XRCC6: variants seen among roughly 807,000 people sequenced by gnomAD.
XRCC6 encodes DNA repair protein Ku70.
A neutral mutation model predicts 65.7 loss-of-function variants in XRCC6; 5 were observed. The observed-to-expected ratio is 0.08, with a 90% CI of 0.04 to 0.16. XRCC6 has a LOEUF of 0.16. Ranked by LOEUF, XRCC6 falls within the 10% of genes least tolerant of loss-of-function variation. The pLI is 1.00. For missense variants in XRCC6, 447 were observed against 738.1 expected (o/e 0.61, Z 4.57); for synonymous variants, 270 against 270.6 (o/e 1.00, Z 0.02).
intron 3 of XRCC6, among the ~76,000 whole-genome samples, chr22:41,632,115 G>T (rs1196536931): frequency 2.6e-5 from 4 of 151,848 alleles, no homozygotes; most frequent in African/African-American, 9.7e-5. Flanking sequence ...GAGGGAGACC[G>T]TGGAAAGAGA....
In XRCC6 at chr22:41,647,039, G is replaced by T. The variant is rs1220532835; in HGVS notation, c.917G>T (p.Ser306Ile). 1 of 1,614,148 alleles carries T rather than the reference G, an allele frequency of 6.2e-7. No homozygotes were observed. ...ACCAAGACCCGGACCTTTAATACAAGTACAGGCGGTTTGCTTCTGCCTAGC... is the reference window on the plus strand; with the variant it reads ...ACCAAGACCCGGACCTTTAATACAATTACAGGCGGTTTGCTTCTGCCTAGC... ...VKTKTRTFNT[S>I]TGGLLLPSDT... Residue 306 changes from serine (S) to isoleucine (I), a missense_variant, in exon 7 of 13, where the codon AGT becomes ATT. This residue lies in a region of XRCC6 where 201 missense variants were observed against 374.1 expected (regional missense o/e 0.54). Transcript: ENST00000360079.
intron 3 of XRCC6, among the ~76,000 whole-genome samples, chr22:41,634,620 C>T (rs937808133): frequency 2.0e-5 from 3 of 151,584 alleles, no homozygotes; most frequent in African/African-American, 4.9e-5. Flanking sequence ...TCTCAGCCCA[C>T]TGCAACCTCC....
intron 6 of XRCC6, among the ~76,000 whole-genome samples, chr22:41,644,458 A>G (rs1368821412): frequency 6.6e-6 from 1 of 152,144 alleles, no homozygotes; most frequent in Admixed American, 6.6e-5. Context: ...TATTGTAAAT[A>G]TATGTGTACA....
intron 1 of XRCC6, 158 bp downstream of exon 1, chr22:41,621,503 C>G (rs1018462196): frequency 1.2e-5 from 2 of 167,430 alleles, no homozygotes; most frequent in East Asian, 1.8e-4. Context: ...CGAGACCACG[C>G]TCCTTCCTCG....
intron 6 of XRCC6, among the ~76,000 whole-genome samples, chr22:41,638,662 G>A (rs913247012): frequency 2.7e-5 from 4 of 150,818 alleles, no homozygotes; most frequent in African/African-American, 9.8e-5. Context: ...GCGCGCGCCT[G>A]TAGTCCCAGC....
chr22:41,655,098 C>G (rs913017209), intron 9 of XRCC6, among the ~76,000 whole-genome samples: 5 of 152,120 alleles, frequency 3.3e-5, no homozygotes, highest in Admixed American at 2.6e-4. Flanking sequence ...ATCAGTATTG[C>G]GGTGCTTGTG....
intron 3 of XRCC6, among the ~76,000 whole-genome samples, chr22:41,632,766 T>C (rs1256762538): frequency 6.7e-6 from 1 of 150,004 alleles, no homozygotes; most frequent in Non-Finnish European, 1.5e-5. Flanking sequence ...GAGGCTGCAC[T>C]GAGCTATGAT....
intron 2 of XRCC6, among the ~76,000 whole-genome samples, chr22:41,627,680 C>T (rs1273416917): frequency 1.3e-5 from 2 of 151,652 alleles, no homozygotes; most frequent in Admixed American, 1.3e-4. Context: ...TTAGATCAGC[C>T]TGGGCAGTGT....
At chr22:41,651,628 A>T (rs936178529) in intron 8 of XRCC6, among the ~76,000 whole-genome samples, 1 of 150,972 alleles carries the variant, frequency 6.6e-6, no homozygotes, top group Non-Finnish European at 1.5e-5. Flanking sequence ...CCCTGGTTCA[A>T]ACGATTCTCC....
chr22:41,637,815 T>C, intron 6 of XRCC6, 24 bp downstream of exon 6: 1 of 1,607,304 alleles, frequency 6.2e-7, no homozygotes, highest in East Asian at 2.2e-5. Context: ...CCGGGTCAGC[T>C]GCCTACACTG....
chr22:41,649,160 A>ATATATATATATGTATG (rs1376197191), intron 7 of XRCC6, among the ~76,000 whole-genome samples: 68 of 125,820 alleles, frequency 5.4e-4, no homozygotes, highest in African/African-American at 2.3e-3. Flanking sequence ...ATATATATAT[A>ATATATATATATGTATG]TATGTATGTA....
Position 41,656,851 on chromosome 22 carries a change from G to A in XRCC6, c.1292-52G>A. ...GGAAGAATTTGGAGCTGAGAAACAA[G>A]TGACTGCAACACTTGAAGTCAAATC... is the stretch of plus-strand genomic sequence containing the variant. On this transcript the variant is annotated intron_variant, in intron 9 of 12. Coordinates refer to ENST00000360079, the MANE Select transcript of XRCC6 (RefSeq NM_001469.5). The A allele has an allele frequency of 1.9e-6, 3 of 1,609,186 alleles. No individual in the cohort carries two copies. The South Asian group carries it at 3.3e-5, about 18-fold the overall frequency.
intron 9 of XRCC6, among the ~76,000 whole-genome samples, chr22:41,654,708 G>A (rs999229414): frequency 6.6e-6 from 1 of 152,154 alleles, no homozygotes. Context: ...AAGGGGCGAG[G>A]GTGAAGCTCA....
intron 12 of XRCC6, among the ~76,000 whole-genome samples, 197 bp from the exon 13 acceptor site, chr22:41,663,425 G>GGT (rs1246263174): frequency 3.9e-5 from 6 of 152,138 alleles, no homozygotes; most frequent in Admixed American, 2.6e-4. Context: ...TTTCCTCCTA[G>GGT]GTGTGATCTG....
At chr22:41,655,727 C>T (rs979930606) in intron 9 of XRCC6, among the ~76,000 whole-genome samples, 3 of 151,386 alleles carry the variant, frequency 2.0e-5, no homozygotes, top group Non-Finnish European at 4.4e-5. Context: ...TTTTTCCCCC[C>T]CTTCTTTTTT....
intron 3 of XRCC6, among the ~76,000 whole-genome samples, chr22:41,630,061 A>G (rs2067723284): frequency 6.9e-6 from 1 of 145,376 alleles, no homozygotes; most frequent in Non-Finnish European, 1.5e-5. Context: ...TTGGCTCACT[A>G]CAACCTCTGA....
At chr22:41,643,358 G>A (rs537174477) in intron 6 of XRCC6, among the ~76,000 whole-genome samples, 1 of 151,322 alleles carries the variant, frequency 6.6e-6, no homozygotes, top group Admixed American at 6.6e-5. Flanking sequence ...GCAGTGAGCC[G>A]AGATCACACC....
intron 6 of XRCC6, among the ~76,000 whole-genome samples, chr22:41,641,054 A>G (rs867234402): frequency 2.6e-5 from 4 of 152,290 alleles, no homozygotes; most frequent in Middle Eastern, 3.4e-3. Context: ...CAGCCTGGGC[A>G]ACCCAGGGAG....
chr22:41,654,204 G>A (rs758455456), intron 9 of XRCC6, among the ~76,000 whole-genome samples: 24 of 152,138 alleles, frequency 1.6e-4, no homozygotes, highest in Non-Finnish European at 2.2e-4. Flanking sequence ...GCTGGTCAAC[G>A]TGGGCAAGTA....
Sources: allele counts gnomAD v4.1 joint callset (sites outside exome capture counted in the v4.1 genomes callset), GRCh38; gene constraint gnomAD v4.1.1; regional missense constraint gnomAD v4.1.1; transcripts MANE v1.5; gene names NCBI Gene and HGNC (gene_info 2026-07-23, HGNC 2026-07-21).